The following C8orf34 variants were observed in gnomAD, a reference collection of about 807,000 sequenced individuals.
C8orf34 encodes chromosome 8 open reading frame 34, also known as uncharacterized protein C8orf34.
A neutral mutation model predicts 68.3 loss-of-function variants in C8orf34; 65 were observed. The observed-to-expected ratio is 0.95, with a 90% CI of 0.78 to 1.17. C8orf34 has a LOEUF of 1.17. Among genes scored for constraint, C8orf34 ranks in the 50% most tolerant of loss-of-function variants. The probability of loss-of-function intolerance (pLI) is 0.00; values close to 1 mark genes in which losing one functional copy is unlikely to be tolerated. For synonymous variants in C8orf34, 244 were observed against 241.2 expected (o/e 1.01, Z -0.11); for missense variants, 664 against 655.4 (o/e 1.01, Z -0.14).
intron 3 of C8orf34, among the ~76,000 whole-genome samples, chr8:68,455,480 A>G (rs1162191516): frequency 6.6e-6 from 1 of 152,150 alleles, no homozygotes; most frequent in Non-Finnish European, 1.5e-5. Flanking sequence ...TTTTATCACT[A>G]TATAATGCCC....
intron 7 of C8orf34, among the ~76,000 whole-genome samples, chr8:68,601,775 T>G (rs1817705991): frequency 6.6e-6 from 1 of 152,130 alleles, no homozygotes; most frequent in Non-Finnish European, 1.5e-5. Flanking sequence ...GTGATTTTCC[T>G]GATTCTTGGT....
intron 1 of C8orf34, among the ~76,000 whole-genome samples, chr8:68,416,610 C>T (rs982269916): frequency 1.1e-4 from 17 of 151,980 alleles, no homozygotes; most frequent in Non-Finnish European, 1.9e-4. Flanking sequence ...CAGCTCACTG[C>T]AACCTCCTCC....
rs1188369748 is a variant in C8orf34, at chr8:68,749,703, T to C, written c.1405-26696T>C. Among the ~76,000 whole-genome samples the C allele has an allele frequency of 2.6e-5, 4 of 152,306 alleles. No individual in the cohort carries two copies. In the East Asian group the frequency reaches 7.7e-4, roughly 29 times the overall value. On this transcript the variant is annotated intron_variant, in intron 10 of 13. Transcript: ENST00000518698. ...TATAAATGGAATAATACTGTATATG[T>C]TATTTTAGGTCTGGCCTCTTTCACT...
chr8:68,494,327 G>A (rs531536985), intron 5 of C8orf34, among the ~76,000 whole-genome samples: 82 of 152,274 alleles, frequency 5.4e-4, no homozygotes, highest in Middle Eastern at 3.4e-3. Flanking sequence ...AGAGTAATCC[G>A]ATTTACAGAA....
chr8:68,521,726 C>A (rs2129677998), intron 5 of C8orf34, 73 bp from the exon 6 acceptor site: 1 of 1,356,214 alleles, frequency 7.4e-7, no homozygotes, highest in South Asian at 1.5e-5. Context: ...AATATCTAGG[C>A]AACTTTATTT....
chr8:68,575,192 T>A (rs756305679), intron 7 of C8orf34, among the ~76,000 whole-genome samples: 7 of 152,124 alleles, frequency 4.6e-5, no homozygotes, highest in Non-Finnish European at 8.8e-5. Flanking sequence ...TTTTTGCTTA[T>A]ACATATACCT....
intron 7 of C8orf34, among the ~76,000 whole-genome samples, chr8:68,627,776 T>A (rs1818578932): frequency 6.6e-6 from 1 of 152,178 alleles, no homozygotes; most frequent in South Asian, 2.1e-4. Context: ...TTAGCAGAAG[T>A]CTTGTGATTC....
At chr8:68,576,251 T>TTCATTCTTC (rs1816903193) in intron 7 of C8orf34, among the ~76,000 whole-genome samples, 1 of 151,684 alleles carries the variant, frequency 6.6e-6, no homozygotes, top group African/African-American at 2.4e-5. Context: ...AACATTGTAA[T>TTCATTCTTC]TATGTAGATG....
chr8:68,615,241 A>T (rs1389647854), intron 7 of C8orf34, among the ~76,000 whole-genome samples: 1 of 150,900 alleles, frequency 6.6e-6, no homozygotes, highest in African/African-American at 2.5e-5. Flanking sequence ...GCAAACAGGG[A>T]CAATTTGACT....
chr8:68,425,926 A>T (rs1810193151), intron 1 of C8orf34, among the ~76,000 whole-genome samples: 1 of 152,164 alleles, frequency 6.6e-6, no homozygotes, highest in Non-Finnish European at 1.5e-5. Flanking sequence ...TGGAGAAAGG[A>T]TACTCTTCTG....
chr8:68,770,229 A>G lies in C8orf34; in HGVS notation c.1405-6170A>G, dbSNP rs532800742. On this transcript the variant is annotated intron_variant, in intron 10 of 13. Coordinates refer to ENST00000518698, the MANE Select transcript of C8orf34 (RefSeq NM_052958.4). ...ACAACCCTCTGGTTCTATTGTCAAT[A>G]CCTCATAGCTAAAGAAACTCAGCTT... Among the ~76,000 whole-genome samples, 11 of 152,360 alleles carry G rather than the reference A, an allele frequency of 7.2e-5. No homozygotes were observed. In the South Asian group the frequency reaches 1.9e-3, roughly 26 times the overall value.
chr8:68,702,012 C>T (rs1239316871), intron 8 of C8orf34, among the ~76,000 whole-genome samples: 6 of 152,006 alleles, frequency 3.9e-5, no homozygotes, highest in Non-Finnish European at 1.5e-5. Flanking sequence ...CTCCCCCAGA[C>T]CCTCCTTATA....
intron 1 of C8orf34, among the ~76,000 whole-genome samples, chr8:68,337,838 T>C (rs1805914908): frequency 6.6e-6 from 1 of 152,216 alleles, no homozygotes; most frequent in South Asian, 2.1e-4. Context: ...ACTAAGCATA[T>C]GCATTTTCCT....
intron 12 of C8orf34, among the ~76,000 whole-genome samples, chr8:68,811,993 T>C (rs1030969889): frequency 2.0e-5 from 3 of 152,134 alleles, no homozygotes; most frequent in Non-Finnish European, 4.4e-5. Context: ...TGTGTAAAGA[T>C]AACATCAAGA....
rs188452814 is a variant in C8orf34 at position 68,594,797 on chromosome 8, C to G, written c.1106-45579C>G. ...AACCCATGTAACTTTATGGAAATTACTCTCCCATAAGGGACTATTTCTGCT... is the reference window on the plus strand; with the variant it reads ...AACCCATGTAACTTTATGGAAATTAGTCTCCCATAAGGGACTATTTCTGCT... On this transcript the variant is annotated intron_variant, in intron 7 of 13. Transcript: ENST00000518698. Among the ~76,000 whole-genome samples, 7 of 152,192 alleles carry G rather than the reference C, an allele frequency of 4.6e-5. No individual in the cohort carries two copies. In the East Asian group the frequency reaches 1.4e-3, roughly 29 times the overall value.
At chr8:68,383,970 G>T (rs1042807901) in intron 1 of C8orf34, among the ~76,000 whole-genome samples, 2 of 152,170 alleles carry the variant, frequency 1.3e-5, no homozygotes, top group Non-Finnish European at 2.9e-5. Context: ...ACAGGATTTT[G>T]GTATAGATGC....
chr8:68,634,451 T>G (rs1458522306), intron 7 of C8orf34, among the ~76,000 whole-genome samples: 1 of 152,208 alleles, frequency 6.6e-6, no homozygotes, highest in Non-Finnish European at 1.5e-5. Context: ...TATTGAAAAG[T>G]CCTTAGACAG....
chr8:68,677,661 A>T lies in C8orf34; in HGVS notation c.1242-31333A>T, dbSNP rs930460227. Among the ~76,000 whole-genome samples the T allele has an allele frequency of 6.6e-5, 10 of 152,074 alleles. 1 individual carries two copies. Among genetic ancestry groups the T allele is most frequent in the African/African-American group, 2.4e-4 (10 of 41,426 alleles). On this transcript the variant is annotated intron_variant, in intron 8 of 13. Transcript: ENST00000518698. ...ATGAGCCACCATGCCTGGCCCTAAC[A>T]ATGCATCTTAAAGAACTAGAAAGGC... is the stretch of plus-strand genomic sequence containing the variant.
chr8:68,439,198 G>T (rs1457296545), intron 1 of C8orf34: 2 of 196,636 alleles, frequency 1.0e-5, no homozygotes, highest in Admixed American at 1.2e-4. Context: ...AATTTTAAAG[G>T]AATTTAGATT....
Sources: allele counts gnomAD v4.1 joint callset (sites outside exome capture counted in the v4.1 genomes callset), GRCh38; gene constraint gnomAD v4.1.1; transcripts MANE v1.5; gene names NCBI Gene and HGNC (gene_info 2026-07-23, HGNC 2026-07-21).